Variants in WAC observed in about 807,000 individuals in gnomAD.
The protein encoded by WAC is WW domain containing adaptor with coiled-coil.
WAC carries 11 observed loss-of-function variants against 79.6 expected under a neutral mutation model. That is an observed-to-expected ratio of 0.14 (90% CI 0.09 to 0.23). The LOEUF (loss-of-function observed/expected upper bound fraction) is 0.23. Among genes scored for constraint, WAC ranks in the 10% least tolerant of loss-of-function variants. The pLI is 1.00. For missense variants in WAC, 728 were observed against 773.5 expected (o/e 0.94, Z 0.70); for synonymous variants, 304 against 276.9 (o/e 1.10, Z -0.97).
rs558691033 is a variant in WAC at position 28,558,552 on chromosome 10, A to G, written c.274+22795A>G. Among the ~76,000 whole-genome samples, 17 of 152,292 alleles carry G rather than the reference A, an allele frequency of 1.1e-4. No individual in the cohort carries two copies. In the South Asian group the frequency reaches 3.5e-3, roughly 32 times the overall value. ...TCTTTTGAGTTATGTGTAGCAATCT[A>G]TTTGTATAAATATAAATTGTAAAAA... On this transcript the variant is annotated intron_variant, in intron 3 of 13. Coordinates refer to ENST00000354911, the MANE Select transcript of WAC (RefSeq NM_016628.5).
chr10:28,540,192 A>G (rs1836933066), intron 3 of WAC, among the ~76,000 whole-genome samples: 1 of 152,202 alleles, frequency 6.6e-6, no homozygotes, highest in African/African-American at 2.4e-5. Flanking sequence ...TACTCATGTT[A>G]ACTTTGGAAG....
chr10:28,606,851 G>A (rs1193728009), intron 7 of WAC, among the ~76,000 whole-genome samples: 1 of 152,092 alleles, frequency 6.6e-6, no homozygotes, highest in Non-Finnish European at 1.5e-5. Flanking sequence ...TCTAAATAAT[G>A]CCAAATTACT....
intron 4 of WAC, 62 bp downstream of exon 4, chr10:28,583,567 A>AT: frequency 8.3e-7 from 1 of 1,197,620 alleles, no homozygotes; most frequent in Non-Finnish European, 1.2e-6. Context: ...AAAAAAAAAA[A>AT]ATACAACCCA....
intron 7 of WAC, among the ~76,000 whole-genome samples, chr10:28,602,245 A>G (rs182815): frequency 0.19 from 28,420 of 152,200 alleles, 3,123 homozygotes; most frequent in Non-Finnish European, 0.25. Flanking sequence ...GAAGTTGCTT[A>G]TCTTTTGTGT....
Position 28,601,273 on chromosome 10 carries a change from A to C in WAC, c.919+5232A>C, listed in dbSNP as rs75061240. On this transcript the variant is annotated intron_variant, in intron 7 of 13. Coordinates refer to ENST00000354911, the MANE Select transcript of WAC (RefSeq NM_016628.5). ...AAGGACTCGAATAAACATTTCTGCAAAGAAGATATCCTGGTGGCCAGTAAG... is the reference window on the plus strand; with the variant it reads ...AAGGACTCGAATAAACATTTCTGCACAGAAGATATCCTGGTGGCCAGTAAG... Among the ~76,000 whole-genome samples, 1,013 of 152,298 alleles carry C rather than the reference A, an allele frequency of 6.7e-3. 12 individuals are homozygous for C. The highest frequency in any genetic ancestry group is 0.023 in the African/African-American group (975 of 41,570).
At chr10:28,608,139 T>A in intron 7 of WAC, 47 bp from the exon 8 acceptor site, 1 of 1,605,256 alleles carries the variant, frequency 6.2e-7, no homozygotes, top group Non-Finnish European at 8.5e-7. Context: ...TTTGTTCCAA[T>A]TTTCTCTATT....
Position 28,547,833 on chromosome 10 carries a change from T to C in WAC, c.274+12076T>C, listed in dbSNP as rs561502911. The stretch of plus-strand genomic sequence containing the variant: ...GATCTAAAACTTCACAAATCTCACT[T>C]TGTAAGTGTAGGCCTTTTTTCGTTA... On this transcript the variant is annotated intron_variant, in intron 3 of 13. Transcript: ENST00000354911. Among the ~76,000 whole-genome samples, 5 of 152,020 alleles carry C rather than the reference T, an allele frequency of 3.3e-5. No individual in the cohort carries two copies. In the East Asian group the frequency reaches 9.6e-4, roughly 29 times the overall value.
chr10:28,594,610 A>G (rs1840259771), intron 6 of WAC, among the ~76,000 whole-genome samples: 1 of 152,048 alleles, frequency 6.6e-6, no homozygotes, highest in Non-Finnish European at 1.5e-5. Flanking sequence ...TGTACCATGT[A>G]GTGGTTGTGT....
chr10:28,535,790 C>A lies in WAC; in HGVS notation c.274+33C>A, dbSNP rs757570022. On this transcript the variant is annotated intron_variant, in intron 3 of 13. Coordinates refer to ENST00000354911, the MANE Select transcript of WAC (RefSeq NM_016628.5). ...TCTTTCTTGTTGAAACTTTGACATA[C>A]AGTTTTAACAATAGCTCTATATAAA... 1.9e-6 allele frequency: 3 copies of A among 1,555,394 alleles called. No individual in the cohort carries two copies. The Admixed American group carries it at 5.4e-5, about 28-fold the overall frequency.
intron 8 of WAC, 52 bp from the exon 9 acceptor site, chr10:28,610,647 G>T: frequency 6.6e-7 from 1 of 1,524,686 alleles, no homozygotes; most frequent in Non-Finnish European, 8.8e-7. Flanking sequence ...TGTTACTAAT[G>T]CCACATAAGC....
intron 7 of WAC, among the ~76,000 whole-genome samples, chr10:28,605,676 A>G (rs1437759202): frequency 6.6e-6 from 1 of 151,946 alleles, no homozygotes; most frequent in Non-Finnish European, 1.5e-5. Context: ...ATTTTGGAGT[A>G]TTTTCCCTTT....
intron 3 of WAC, among the ~76,000 whole-genome samples, chr10:28,546,494 C>A (rs1314895243): frequency 1.3e-5 from 2 of 152,144 alleles, no homozygotes; most frequent in African/African-American, 4.8e-5. Context: ...TGCCTGCTGG[C>A]TCCTTGTCAG....
At position 28,590,790 on chromosome 10, in the gene WAC, G is replaced by C; in HGVS notation, c.568G>C (p.Glu190Gln). The stretch of plus-strand genomic sequence containing the variant: ...CCCAAAAGATAGGGATTACAGAAGA[G>C]AGGTGATGCAAGCAACAGCCACTAG... ...SFPKDRDYRR[E>Q]VMQATATSGF... The change falls in exon 6 of 14, where the codon GAG (glutamate) becomes CAG (glutamine). Residue 190 changes from glutamate to glutamine, a missense_variant. Glu to Gln is a conservative substitution (Grantham distance 29). Coordinates refer to ENST00000354911, the MANE Select transcript of WAC (RefSeq NM_016628.5). 2 of 1,612,278 alleles carry C rather than the reference G, an allele frequency of 1.2e-6. No homozygotes were observed. Among genetic ancestry groups the C allele is most frequent in the Non-Finnish European group, 1.7e-6 (2 of 1,179,576 alleles).
intron 10 of WAC, among the ~76,000 whole-genome samples, chr10:28,613,366 A>G (rs916371533): frequency 1.3e-5 from 2 of 152,042 alleles, no homozygotes; most frequent in Non-Finnish European, 2.9e-5. Context: ...ACTCTGAAAA[A>G]CTTTCTTGGG....
Position 28,533,231 on chromosome 10 carries a change from G to GGGGGAGGA in WAC, c.-338_-331dup, listed in dbSNP as rs1411395652. On this transcript the variant is annotated 5_prime_UTR_variant, in exon 1 of 14. Coordinates refer to ENST00000354911, the MANE Select transcript of WAC (RefSeq NM_016628.5). ...GGCGGCGGCAGCAGCGGCGGCGGCG[G>GGGGGAGGA]GGGGAGGAGGGGAGGAGGCGGCGGA... is the stretch of plus-strand genomic sequence containing the variant. 1.8e-5 allele frequency: 3 copies of GGGGGAGGA among 168,322 alleles called. No individual in the cohort carries two copies. The highest frequency in any genetic ancestry group is 3.8e-5 in the Non-Finnish European group (3 of 79,316). The allele number at this position is 168,322 out of a possible 1,614,324, so 10.4% of individuals were successfully genotyped here. A position where few individuals can be genotyped will look rare whatever the true frequency, so the allele number is the denominator to read the frequency against.
intron 3 of WAC, among the ~76,000 whole-genome samples, chr10:28,553,811 C>G (rs1837836362): frequency 6.6e-6 from 1 of 151,892 alleles, no homozygotes; most frequent in Admixed American, 6.6e-5. Context: ...TTTTTTATTC[C>G]CTAAGGAATA....
intron 3 of WAC, among the ~76,000 whole-genome samples, chr10:28,549,875 T>C (rs1837563106): frequency 6.6e-6 from 1 of 152,160 alleles, no homozygotes; most frequent in Non-Finnish European, 1.5e-5. Flanking sequence ...TAAAGAGTTT[T>C]AAGTTTTGGC....
intron 3 of WAC, among the ~76,000 whole-genome samples, chr10:28,559,338 T>A (rs907206678): frequency 2.0e-5 from 3 of 152,164 alleles, no homozygotes; most frequent in Admixed American, 2.0e-4. Flanking sequence ...GAGGGAAGTG[T>A]GTTCTAGGCA....
At chr10:28,600,029 C>T (rs574820466) in intron 7 of WAC, among the ~76,000 whole-genome samples, 5 of 152,264 alleles carry the variant, frequency 3.3e-5, no homozygotes, top group East Asian at 1.9e-4. Flanking sequence ...AAATAGGAAA[C>T]GTGGGTCCTT....
Sources: allele counts gnomAD v4.1 joint callset (sites outside exome capture counted in the v4.1 genomes callset), GRCh38; gene constraint gnomAD v4.1.1; transcripts MANE v1.5; gene names NCBI Gene and HGNC (gene_info 2026-07-23, HGNC 2026-07-21).